The following SGCG variants were observed in gnomAD, a reference collection of about 807,000 sequenced individuals.
SGCG encodes the protein sarcoglycan gamma.
A neutral mutation model predicts 29.3 loss-of-function variants in SGCG; 26 were observed. That is an observed-to-expected ratio of 0.89 (90% CI 0.65 to 1.23). SGCG has a LOEUF of 1.23. Among genes scored for constraint, SGCG ranks in the 50% most tolerant of loss-of-function variants. SGCG has a pLI of 0.00. For missense variants in SGCG, 353 were observed against 356.0 expected, an observed-to-expected ratio of 0.99 and a Z score of 0.07; for synonymous variants, 145 against 129.7, an observed-to-expected ratio of 1.12 and a Z score of -0.80.
chr13:23,174,467 A>G, the SGCG span, among the ~76,000 whole-genome samples: 7 of 152,210 alleles, frequency 4.6e-5, no homozygotes, highest in African/African-American at 1.7e-4. Context: ...AACTGTTTAT[A>G]ATGGAAAATG....
intron 6 of SGCG, among the ~76,000 whole-genome samples, chr13:23,319,925 A>C (rs1036757132): frequency 1.3e-5 from 2 of 152,204 alleles, no homozygotes; most frequent in Non-Finnish European, 2.9e-5. Context: ...AACCACAAGG[A>C]AAGTCTGATA....
intron 6 of SGCG, among the ~76,000 whole-genome samples, chr13:23,317,780 C>T (rs2137522614): frequency 6.6e-6 from 1 of 152,090 alleles, no homozygotes; most frequent in Non-Finnish European, 1.5e-5. Context: ...TGTGTGATCT[C>T]AGGAGATGTG....
chr13:23,311,778 ATCTT>A (rs2137510396), intron 6 of SGCG, among the ~76,000 whole-genome samples: 1 of 152,324 alleles, frequency 6.6e-6, no homozygotes, highest in African/African-American at 2.4e-5. Flanking sequence ...ATTTTCAGTT[ATCTT>A]TCTATCTAAT....
chr13:23,193,951 A>C (rs574519935), intron 1 of SGCG, among the ~76,000 whole-genome samples: 1 of 152,330 alleles, frequency 6.6e-6, no homozygotes, highest in African/African-American at 2.4e-5. Flanking sequence ...AGAGGGTAAA[A>C]TTAGGAGAAT....
chr13:23,161,290 G>T, the SGCG span, among the ~76,000 whole-genome samples: 1 of 152,186 alleles, frequency 6.6e-6, no homozygotes, highest in African/African-American at 2.4e-5. Flanking sequence ...GCGTTAGCAA[G>T]TTGCTTGTTC....
At chr13:23,260,741 G>C (rs1405021287) in intron 4 of SGCG, among the ~76,000 whole-genome samples, 1 of 151,836 alleles carries the variant, frequency 6.6e-6, no homozygotes, top group African/African-American at 2.4e-5. Flanking sequence ...GGCAGGCTTT[G>C]TGGTGACAAA....
chr13:23,220,556 T>A (rs1878620820), intron 2 of SGCG, among the ~76,000 whole-genome samples: 1 of 152,220 alleles, frequency 6.6e-6, no homozygotes, highest in Non-Finnish European at 1.5e-5. Context: ...TTATTCTCTA[T>A]AGTGACATTC....
chr13:23,296,604 C>CT (rs34608348), intron 6 of SGCG, among the ~76,000 whole-genome samples: 69,472 of 151,822 alleles, frequency 0.46, 16,582 homozygotes, highest in East Asian at 0.89. Flanking sequence ...CCGGTCACCC[C>CT]GGCACTCACC....
chr13:23,231,343 T>G (rs955991447), intron 2 of SGCG, among the ~76,000 whole-genome samples: 3 of 137,888 alleles, frequency 2.2e-5, no homozygotes, highest in South Asian at 2.3e-4. Context: ...TTTTTTTTTT[T>G]GAGTAGCTTT....
At chr13:23,188,065 T>C (rs531594811) in intron 1 of SGCG, among the ~76,000 whole-genome samples, 2 of 152,322 alleles carry the variant, frequency 1.3e-5, no homozygotes, top group East Asian at 3.9e-4. Flanking sequence ...AGCCCTGTTC[T>C]GGCCACACTA....
intron 4 of SGCG, among the ~76,000 whole-genome samples, chr13:23,262,097 A>G (rs1301932047): frequency 6.6e-6 from 1 of 152,008 alleles, no homozygotes; most frequent in African/African-American, 2.4e-5. Flanking sequence ...CAATAACACA[A>G]TGAAGGAAAA....
At chr13:23,162,054 A>G in the SGCG span, among the ~76,000 whole-genome samples, 1 of 152,274 alleles carries the variant, frequency 6.6e-6, no homozygotes, top group Non-Finnish European at 1.5e-5. Flanking sequence ...ATAACAGACT[A>G]TAAAATCAAT....
At chr13:23,246,802 A>T (rs1593194907) in intron 3 of SGCG, 1 of 200,210 alleles carries the variant, frequency 5.0e-6, no homozygotes, top group African/African-American at 2.3e-5. Context: ...CGAGAAGCCG[A>T]TGAAGACCTA....
chr13:23,175,020 G>A, the SGCG span, among the ~76,000 whole-genome samples: 2 of 152,170 alleles, frequency 1.3e-5, no homozygotes, highest in Non-Finnish European at 2.9e-5. Flanking sequence ...GAGCACGAGG[G>A]TCAGGATATA....
At chr13:23,223,965 C>CAA (rs34614476) in intron 2 of SGCG, among the ~76,000 whole-genome samples, 1 of 150,090 alleles carries the variant, frequency 6.7e-6, no homozygotes, top group South Asian at 2.1e-4. Flanking sequence ...GACTCCATCT[C>CAA]AAAAAAAAAG....
intron 5 of SGCG, among the ~76,000 whole-genome samples, chr13:23,284,211 G>A (rs985196546): frequency 2.6e-5 from 4 of 152,098 alleles, no homozygotes; most frequent in Non-Finnish European, 5.9e-5. Flanking sequence ...TTCCAACTTG[G>A]TTCCATTTTC....
chr13:23,216,719 G>A (rs1024980301), intron 2 of SGCG, among the ~76,000 whole-genome samples: 4 of 152,164 alleles, frequency 2.6e-5, no homozygotes, highest in Non-Finnish European at 4.4e-5. Context: ...TTCTTTGTAT[G>A]TAAAATGTCC....
intron 5 of SGCG, among the ~76,000 whole-genome samples, chr13:23,294,032 C>T (rs1394689284): frequency 3.3e-5 from 5 of 152,160 alleles, no homozygotes; most frequent in African/African-American, 1.2e-4. Context: ...AATGGCTTGC[C>T]TTCTACAAAG....
chr13:23,184,322 A>T (rs1876881202), intron 1 of SGCG, among the ~76,000 whole-genome samples: 1 of 152,170 alleles, frequency 6.6e-6, no homozygotes, highest in African/African-American at 2.4e-5. Flanking sequence ...AATGTTTTTC[A>T]GAGTTAGAAT....
Sources: gnomAD v4.1 joint callset for allele counts (sites outside exome capture counted in the v4.1 genomes callset) on GRCh38, gnomAD v4.1.1 for gene constraint, MANE v1.5 for transcripts, NCBI Gene and HGNC (gene_info 2026-07-23, HGNC 2026-07-21) for gene names.